Variants in PINX1 observed in about 807,000 individuals in gnomAD.
PINX1 encodes PIN2/TERF1-interacting telomerase inhibitor 1.
PINX1 carries 34 observed loss-of-function variants against 25.4 expected under a neutral mutation model. That is an observed-to-expected ratio of 1.34 (90% CI 1.02 to 1.78). The LOEUF (loss-of-function observed/expected upper bound fraction) is 1.78. Among genes scored for constraint, PINX1 ranks in the 40% most tolerant of loss-of-function variants. The pLI, the probability that PINX1 is intolerant of heterozygous loss-of-function variation, is 0.00. For missense variants in PINX1, 592 were observed against 404.9 expected (o/e 1.46, Z -3.97); for synonymous variants, 197 against 147.7 (o/e 1.33, Z -2.42).
intron 6 of PINX1, among the ~76,000 whole-genome samples, chr8:10,785,331 C>T (rs913610869): frequency 8.5e-5 from 13 of 152,186 alleles, no homozygotes; most frequent in African/African-American, 3.1e-4. Flanking sequence ...CCATCAGAAT[C>T]TTATTTTAAT....
chr8:10,832,815 G>A (rs2129090125), intron 3 of PINX1, 77 bp downstream of exon 3: 1 of 802,108 alleles, frequency 1.2e-6, no homozygotes, highest in Non-Finnish European at 2.1e-6. Context: ...AGAAGCAGAT[G>A]AACCAATCAA....
chr8:10,830,775 C>T (rs539139256), intron 4 of PINX1, among the ~76,000 whole-genome samples: 1 of 152,238 alleles, frequency 6.6e-6, no homozygotes, highest in Non-Finnish European at 1.5e-5. Flanking sequence ...GACATCATCT[C>T]ACACCCATTA....
At chr8:10,838,121 C>G (rs1798459143) in intron 1 of PINX1, among the ~76,000 whole-genome samples, 1 of 152,214 alleles carries the variant, frequency 6.6e-6, no homozygotes, top group Non-Finnish European at 1.5e-5. Flanking sequence ...GACCACATAG[C>G]AGGTTGGAGT....
At chr8:10,796,105 C>T (rs1802075747) in intron 6 of PINX1, among the ~76,000 whole-genome samples, 1 of 152,084 alleles carries the variant, frequency 6.6e-6, no homozygotes, top group African/African-American at 2.4e-5. Flanking sequence ...CAAATGATAA[C>T]GGGATGGGAG....
chr8:10,835,525 G>C (rs190989489), intron 1 of PINX1, among the ~76,000 whole-genome samples: 18 of 152,290 alleles, frequency 1.2e-4, no homozygotes, highest in African/African-American at 4.3e-4. Flanking sequence ...CTCTCATTGA[G>C]ATGCCCTGAA....
chr8:10,789,033 C>G (rs1283087071), intron 6 of PINX1, among the ~76,000 whole-genome samples: 2 of 152,154 alleles, frequency 1.3e-5, no homozygotes, highest in African/African-American at 4.8e-5. Flanking sequence ...TTTGTGGGAG[C>G]GTGAAAGGGA....
At chr8:10,779,642 T>C (rs7836178) in intron 6 of PINX1, among the ~76,000 whole-genome samples, 1 of 152,098 alleles carries the variant, frequency 6.6e-6, no homozygotes, top group Non-Finnish European at 1.5e-5. Flanking sequence ...GATATTTTAA[T>C]GCTTTTATTT....
intron 6 of PINX1, among the ~76,000 whole-genome samples, chr8:10,816,965 A>C (rs1465769426): frequency 6.6e-6 from 1 of 152,230 alleles, no homozygotes. Context: ...AATGAGAAAA[A>C]TCCAGCACAG....
chr8:10,765,819 T>G lies in PINX1; in HGVS notation c.569A>C (p.Lys190Thr), dbSNP rs778860906. 7 of 1,613,860 alleles carry G rather than the reference T, an allele frequency of 4.3e-6. No individual in the cohort carries two copies. The East Asian group carries it at 1.6e-4, about 36-fold the overall frequency. ...EYFAKRMAAL[K>T]NKPQVPVPGS... ...TGGAACTGGAACCTGGGGCTTGTTC[T>G]TCAGTGCTGCCATCCGCTTGGCAAA... Residue 190 changes from lysine to threonine, a missense_variant, in exon 7 of 7, where the codon AAG becomes ACG. Coordinates refer to ENST00000314787, the MANE Select transcript of PINX1 (RefSeq NM_017884.6).
At chr8:10,831,458 A>C (rs570353422) in intron 4 of PINX1, among the ~76,000 whole-genome samples, 3 of 152,234 alleles carry the variant, frequency 2.0e-5, no homozygotes, top group Non-Finnish European at 4.4e-5. Flanking sequence ...CCCAACACAA[A>C]TAATAAATGT....
intron 1 of PINX1, among the ~76,000 whole-genome samples, chr8:10,836,765 C>T (rs531910374): frequency 3.9e-5 from 6 of 152,190 alleles, no homozygotes; most frequent in African/African-American, 1.4e-4. Context: ...AAGAATCTCC[C>T]GGAAACTTTA....
chr8:10,820,423 ACT>A, intron 5 of PINX1, 154 bp from the exon 6 acceptor site: 3 of 675,052 alleles, frequency 4.4e-6, no homozygotes, highest in Non-Finnish European at 8.1e-6. Flanking sequence ...TTTCATTACA[ACT>A]CTTTCATTAG....
chr8:10,839,658 C>A (rs573698303), intron 1 of PINX1, 80 bp downstream of exon 1: 2 of 1,462,324 alleles, frequency 1.4e-6, no homozygotes, highest in Non-Finnish European at 1.9e-6. Flanking sequence ...CCCGAGCTCC[C>A]AGCCACTCCG....
rs149240859 is a variant in PINX1, at chr8:10,806,206, C to A, written c.471+13987G>T. ...TGACGGAGCACAGGAAGGGGCCACA[C>A]TAGTGCTGAGGGAGGAGGCAGAGCA... On this transcript the variant is annotated intron_variant, in intron 6 of 6. Coordinates refer to ENST00000314787, the MANE Select transcript of PINX1 (RefSeq NM_017884.6). Among the ~76,000 whole-genome samples the A allele has an allele frequency of 1.7e-4, 26 of 149,652 alleles. 2 individuals carry two copies. The highest frequency in any genetic ancestry group is 6.1e-4 in the African/African-American group (24 of 39,162).
At chr8:10,838,474 C>A (rs191947583) in intron 1 of PINX1, among the ~76,000 whole-genome samples, 26 of 152,354 alleles carry the variant, frequency 1.7e-4, no homozygotes, top group Admixed American at 1.7e-3. Context: ...CACCATCTCA[C>A]TGATTTAAGG....
At position 10,826,016 on chromosome 8, in the gene PINX1, A is replaced by G. The variant is rs567579878; in HGVS notation, c.394+136T>C. The G allele has an allele frequency of 4.0e-4, 236 of 593,952 alleles. 1 individual carries two copies. Among genetic ancestry groups the G allele is most frequent in the African/African-American group, 3.7e-3 (197 of 53,124 alleles). The allele number at this position is 593,952 out of a possible 1,614,324, so 36.8% of individuals were successfully genotyped here. ...ACACCACAGTCAATGCGAAGACTCC[A>G]GCGCTGTTTCACAGCAATGCAGTCG... On this transcript the variant is annotated intron_variant, in intron 5 of 6. Transcript: ENST00000314787.
At chr8:10,833,117 A>G in intron 2 of PINX1, 133 bp from the exon 3 acceptor site, 1 of 571,750 alleles carries the variant, frequency 1.7e-6, no homozygotes, top group Admixed American at 3.3e-5. Flanking sequence ...ATACTTTCAC[A>G]AAGCAACATG....
intron 1 of PINX1, among the ~76,000 whole-genome samples, chr8:10,835,170 C>T (rs1798364074): frequency 6.6e-6 from 1 of 152,210 alleles, no homozygotes; most frequent in South Asian, 2.1e-4. Flanking sequence ...CCATGCGTTA[C>T]TACATACAAA....
At chr8:10,833,057 C>G (rs753273991) in intron 2 of PINX1, 73 bp from the exon 3 acceptor site, 1 of 886,298 alleles carries the variant, frequency 1.1e-6, no homozygotes, top group Non-Finnish European at 1.8e-6. Context: ...TGCTACAAAA[C>G]TCACAGATGC....
Sources: gnomAD v4.1 joint callset for allele counts (sites outside exome capture counted in the v4.1 genomes callset) on GRCh38, gnomAD v4.1.1 for gene constraint, MANE v1.5 for transcripts, NCBI Gene and HGNC (gene_info 2026-07-23, HGNC 2026-07-21) for gene names.